Variants in EIF2AK2 observed in about 807,000 individuals in gnomAD.
EIF2AK2 encodes the protein eukaryotic translation initiation factor 2 alpha kinase 2, also known as interferon-induced, double-stranded RNA-activated protein kinase.
EIF2AK2 carries 40 observed loss-of-function variants against 70.5 expected under a neutral mutation model. That is an observed-to-expected ratio of 0.57 (90% CI 0.44 to 0.74). The LOEUF is 0.74. Among genes scored for constraint, EIF2AK2 ranks in the 30% least tolerant of loss-of-function variants. The probability of loss-of-function intolerance (pLI) is 0.00; values close to 1 mark genes in which losing one functional copy is unlikely to be tolerated. For synonymous variants in EIF2AK2, 198 were observed against 220.9 expected, an observed-to-expected ratio of 0.90 and a Z score of 0.92; for missense variants, 555 against 644.3, an observed-to-expected ratio of 0.86 and a Z score of 1.50.
intron 12 of EIF2AK2, 62 bp downstream of exon 12, chr2:37,122,444 T>C (rs553979682): frequency 1.3e-4 from 201 of 1,560,054 alleles, no homozygotes; most frequent in Middle Eastern, 1.7e-4. Flanking sequence ...CAGTGGCCCA[T>C]ACATAGTAAA....
intron 1 of EIF2AK2, chr2:37,149,242 A>G (rs530614135): frequency 2.8e-6 from 3 of 1,086,380 alleles, no homozygotes; most frequent in East Asian, 4.7e-5. Flanking sequence ...ACCGCAAGTC[A>G]CAAAGTATGA....
At chr2:37,112,978 T>C (rs1480776290) in intron 14 of EIF2AK2, among the ~76,000 whole-genome samples, 1 of 152,222 alleles carries the variant, frequency 6.6e-6, no homozygotes, top group African/African-American at 2.4e-5. Flanking sequence ...TTCCTTAAAA[T>C]AGCATTTAAA....
At chr2:37,139,353 C>T (rs1253983352) in intron 6 of EIF2AK2, among the ~76,000 whole-genome samples, 2 of 151,706 alleles carry the variant, frequency 1.3e-5, no homozygotes, top group African/African-American at 2.4e-5. Context: ...TCAGGAGATC[C>T]ACCTGCCTTG....
intron 13 of EIF2AK2, chr2:37,115,213 A>AC (rs1674296096): frequency 7.4e-6 from 1 of 134,366 alleles, no homozygotes; most frequent in Non-Finnish European, 1.3e-5. Flanking sequence ...ATGCCCGGCT[A>AC]GTTTTTTTTT....
intron 10 of EIF2AK2, among the ~76,000 whole-genome samples, chr2:37,129,534 G>A (rs1346001251): frequency 6.6e-6 from 1 of 152,146 alleles, no homozygotes; most frequent in Non-Finnish European, 1.5e-5. Context: ...CCCACATCTA[G>A]TGAGTCCACA....
In EIF2AK2 at chr2:37,100,514, G is replaced by A. The variant is rs536038735; in HGVS notation, c.*6759C>T. 3.7e-4 allele frequency: 57 copies of A among 152,254 alleles called. No homozygotes were observed. Among genetic ancestry groups the A allele is most frequent in the African/African-American group, 1.3e-3 (53 of 41,556 alleles). The allele number at this position is 152,254 out of a possible 1,614,324, so 9.4% of individuals were successfully genotyped here. ...GCCTCACAGTTTTGCCTATTATACA[G>A]TTTCTAGTTATTTAGAATTTAAGCC... On this transcript the variant is annotated 3_prime_UTR_variant, in exon 17 of 17. Coordinates refer to ENST00000233057, the MANE Select transcript of EIF2AK2 (RefSeq NM_001135651.3).
chr2:37,123,248 C>A (rs956761579), intron 11 of EIF2AK2, among the ~76,000 whole-genome samples: 1 of 151,922 alleles, frequency 6.6e-6, no homozygotes, highest in Admixed American at 6.6e-5. Flanking sequence ...TCTTGAAATG[C>A]CAGTGATGTC....
chr2:37,146,774 T>C, intron 4 of EIF2AK2, 79 bp downstream of exon 4: 5 of 1,541,168 alleles, frequency 3.2e-6, no homozygotes, highest in Non-Finnish European at 3.5e-6. Flanking sequence ...TTACTCTGTA[T>C]GAAAGTATTT....
rs1428913782 is a variant in EIF2AK2 at position 37,102,751 on chromosome 2, C to T, written c.*4522G>A. ...GTACAGTTTCATTTTGCCCTTAGTC[C>T]CACAAATTATGTAGCTGGCCATACA... On this transcript the variant is annotated 3_prime_UTR_variant, in exon 17 of 17. Coordinates refer to ENST00000233057, the MANE Select transcript of EIF2AK2 (RefSeq NM_001135651.3). 6.6e-6 allele frequency: 1 copy of T among 152,066 alleles called. No homozygotes were observed. The highest frequency in any genetic ancestry group is 1.5e-5 in the Non-Finnish European group (1 of 68,028). The allele number at this position is 152,066 out of a possible 1,614,324, so 9.4% of individuals were successfully genotyped here.
At chr2:37,122,446 C>G (rs1573010308) in intron 12 of EIF2AK2, 60 bp downstream of exon 12, 2 of 1,564,686 alleles carry the variant, frequency 1.3e-6, no homozygotes, top group Non-Finnish European at 1.7e-6. Flanking sequence ...GTGGCCCATA[C>G]ATAGTAAATA....
intron 3 of EIF2AK2, among the ~76,000 whole-genome samples, chr2:37,147,364 G>A (rs1364456281): frequency 4.6e-5 from 7 of 150,692 alleles, no homozygotes; most frequent in Non-Finnish European, 7.4e-5. Context: ...TGTGCACAAC[G>A]TGCAGGTTAC....
rs1195669309 is a variant in EIF2AK2 at position 37,138,533 on chromosome 2, C to T, written c.569G>A (p.Ser190Asn). Reference sequence around the variant, plus strand: ...CAGTGTGCTGGTCACTAAAGAGTTGCTTTGGGACTCACACGTAGTAGCAAA... The same window carrying T: ...CAGTGTGCTGGTCACTAAAGAGTTGTTTTGGGACTCACACGTAGTAGCAAA... Reference protein sequence around the residue: ...GSFATTCESQSNSLVTSTLAS... With the variant: ...GSFATTCESQNNSLVTSTLAS... The change falls in exon 7 of 17, where the codon AGC becomes AAC. Residue 190 changes from serine to asparagine, a missense_variant. By Grantham distance (46) the Ser-to-Asn change is conservative. Around this residue, in one of 3 missense-constraint regions of EIF2AK2, gnomAD observed 208 missense variants for 191.8 expected, o/e 1.08. Transcript: ENST00000233057. 16 of 1,613,980 alleles carry T rather than the reference C, an allele frequency of 9.9e-6. No individual in the cohort carries two copies. Among genetic ancestry groups the T allele is most frequent in the Non-Finnish European group, 1.4e-5 (16 of 1,180,014 alleles).
At chr2:37,155,014 T>C (rs1675875838) in intron 1 of EIF2AK2, among the ~76,000 whole-genome samples, 1 of 152,064 alleles carries the variant, frequency 6.6e-6, no homozygotes, top group African/African-American at 2.4e-5. Flanking sequence ...GCCCGGTCCT[T>C]AGACTTGCTC....
chr2:37,152,953 C>A (rs983199011), intron 1 of EIF2AK2, among the ~76,000 whole-genome samples: 1 of 152,160 alleles, frequency 6.6e-6, no homozygotes, highest in Non-Finnish European at 1.5e-5. Context: ...CCTCTCCCTG[C>A]CTTCTAATCT....
rs1056982638 is a variant in EIF2AK2 at position 37,100,827 on chromosome 2, C to T, written c.*6446G>A. The T allele has an allele frequency of 1.3e-5, 2 of 152,158 alleles. No individual in the cohort carries two copies. The highest frequency in any genetic ancestry group is 2.9e-5 in the Non-Finnish European group (2 of 68,036). 9.4% of individuals were successfully genotyped at this position (152,158 alleles called of 1,614,324 possible). The stretch of plus-strand genomic sequence containing the variant: ...CCAAACATGCTCTACCTCACCATGT[C>T]GATAGATGTACAGTCGCCCCACTAC... On this transcript the variant is annotated 3_prime_UTR_variant, in exon 17 of 17. Transcript: ENST00000233057.
intron 1 of EIF2AK2, among the ~76,000 whole-genome samples, chr2:37,151,810 G>A (rs1485474764): frequency 6.6e-6 from 1 of 152,268 alleles, no homozygotes; most frequent in Non-Finnish European, 1.5e-5. Flanking sequence ...CAGGCGCCGT[G>A]GCTCATGCCT....
chr2:37,132,342 A>G (rs2148692476), intron 10 of EIF2AK2, among the ~76,000 whole-genome samples: 1 of 152,196 alleles, frequency 6.6e-6, no homozygotes, highest in South Asian at 2.1e-4. Context: ...CTGTAATCCC[A>G]ACACTTTGGG....
intron 6 of EIF2AK2, 131 bp from the exon 7 acceptor site, chr2:37,138,716 T>A: frequency 1.4e-6 from 1 of 723,016 alleles, no homozygotes; most frequent in South Asian, 2.1e-5. Flanking sequence ...AATTACAAGA[T>A]TAATAACATT....
chr2:37,151,320 A>T (rs75810742), intron 1 of EIF2AK2, among the ~76,000 whole-genome samples: 1 of 152,206 alleles, frequency 6.6e-6, no homozygotes, highest in Non-Finnish European at 1.5e-5. Context: ...AAAATATGTA[A>T]ATCGCCAATA....
Sources: gnomAD v4.1 joint callset for allele counts (sites outside exome capture counted in the v4.1 genomes callset) on GRCh38, gnomAD v4.1.1 for gene constraint, gnomAD v4.1.1 regional missense constraint, MANE v1.5 for transcripts, NCBI Gene and HGNC (gene_info 2026-07-23, HGNC 2026-07-21) for gene names.